The following DLL1 variants were observed in gnomAD, a reference collection of about 807,000 sequenced individuals.
DLL1 encodes delta-like protein 1.
Under a neutral mutation model 75.1 loss-of-function variants are expected in DLL1, and 9 were observed. That is an observed-to-expected ratio of 0.12 (90% CI 0.07 to 0.21). DLL1 has a LOEUF of 0.21. DLL1 is among the 10% of genes least tolerant of loss of function. The pLI is 1.00. For synonymous variants in DLL1, 477 were observed against 418.3 expected (o/e 1.14, Z -1.71); for missense variants, 837 against 1,007.6 (o/e 0.83, Z 2.29).
chr6:170,289,145 T>C, intron 2 of DLL1: 1 of 588,602 alleles, frequency 1.7e-6, no homozygotes, highest in Non-Finnish European at 3.0e-6. Context: ...GTGGTAGCGG[T>C]CGCGCTGCGC....
intron 4 of DLL1, among the ~76,000 whole-genome samples, chr6:170,287,467 G>C (rs1482964024): frequency 6.6e-6 from 1 of 152,226 alleles, no homozygotes; most frequent in Non-Finnish European, 1.5e-5. Context: ...GCTGGAGAGA[G>C]GGCTCCTGAG....
rs1783663509 is a variant in DLL1 at position 170,285,005 on chromosome 6, C to T, written c.1163G>A (p.Gly388Glu). ...GCCCACGGGGCAGCGGCAGCTGTAC[C>T]CTCCATCGGGGCTGTCTGAGCACCG... ...GGRCSDSPDGGYSCRCPVGYS... is the reference protein window; with the variant it reads ...GGRCSDSPDGEYSCRCPVGYS... Residue 388 changes from glycine (G) to glutamate (E), a missense_variant, in exon 8 of 11, where the codon GGG becomes GAG. Coordinates refer to ENST00000366756, the MANE Select transcript of DLL1 (RefSeq NM_005618.4). The T allele has an allele frequency of 6.2e-7, 1 of 1,614,132 alleles. No homozygotes were observed. Among genetic ancestry groups the T allele is most frequent in the Non-Finnish European group, 8.5e-7 (1 of 1,180,032 alleles).
In DLL1 at chr6:170,289,457, C is replaced by T. The variant is rs1007231417; in HGVS notation, c.351+55G>A. The T allele has an allele frequency of 5.3e-6, 8 of 1,523,050 alleles. No homozygotes were observed. The Admixed American group carries it at 1.6e-4, about 30-fold the overall frequency. 94.3% of individuals were successfully genotyped at this position (1,523,050 alleles called of 1,614,324 possible). A position where few individuals can be genotyped will look rare whatever the true frequency, so the allele number is the denominator to read the frequency against. On this transcript the variant is annotated intron_variant, in intron 2 of 10. Transcript: ENST00000366756. ...CGCCCAAGGCGGGATCCCAGCGCGT[C>T]CTGCAGCCCGCCCAGCTTCAGGGCC... is the stretch of plus-strand genomic sequence containing the variant.
chr6:170,288,189 G>A (rs762916243), intron 4 of DLL1, 50 bp downstream of exon 4: 11 of 1,613,000 alleles, frequency 6.8e-6, no homozygotes, highest in South Asian at 1.1e-5. Context: ...CCCTGCGCGC[G>A]GTCCGTGTTC....
Position 170,282,299 on chromosome 6 carries a change from A to G in DLL1, c.*575T>C, listed in dbSNP as rs1224522461. ...AAAACTCAAATAACATTTGCACAAT[A>G]TTCCATAAATACATTTATATACAAA... On this transcript the variant is annotated 3_prime_UTR_variant, in exon 11 of 11. Coordinates refer to ENST00000366756, the MANE Select transcript of DLL1 (RefSeq NM_005618.4). 6 of 154,198 alleles carry G rather than the reference A, an allele frequency of 3.9e-5. No homozygotes were observed. Among genetic ancestry groups the G allele is most frequent in the African/African-American group, 1.4e-4 (6 of 41,460 alleles). 9.6% of individuals were successfully genotyped at this position (154,198 alleles called of 1,614,324 possible).
chr6:170,289,914 G>A (rs1583158028), intron 1 of DLL1, 106 bp from the exon 2 acceptor site: 2 of 1,351,128 alleles, frequency 1.5e-6, no homozygotes, highest in Non-Finnish European at 1.9e-6. Flanking sequence ...CTCAGGGGCC[G>A]AGCGCGCTCG....
rs369504757 is a variant in DLL1 at position 170,283,938 on chromosome 6, G to A, written c.1341C>T (p.Cys447=). ...CCCCGTTGGCGCACGGGGAGGAGGCGCAGTCGTCCACGTTGTCGTCACAGT... is the reference window on the plus strand; with the variant it reads ...CCCCGTTGGCGCACGGGGAGGAGGCACAGTCGTCCACGTTGTCGTCACAGT... The part of the protein sequence containing the change: ...GRHCDDNVDD[C]ASSPCANGGT... The change falls in exon 9 of 11, where the codon TGC becomes TGT. Residue 447 remains cysteine (C), a synonymous_variant. Transcript: ENST00000366756. 97 of 1,594,962 alleles carry A rather than the reference G, an allele frequency of 6.1e-5. No individual in the cohort carries two copies. The Admixed American group carries it at 7.3e-4, about 12-fold the overall frequency.
At chr6:170,286,762 G>A (rs1377623856) in intron 4 of DLL1, among the ~76,000 whole-genome samples, 3 of 151,454 alleles carry the variant, frequency 2.0e-5, no homozygotes, top group East Asian at 2.0e-4. Context: ...GGCCTCCCCC[G>A]CGCCCCCGGC....
rs781730658 is a variant in DLL1 at position 170,290,049 on chromosome 6, C to A, written c.54+37G>T. The A allele has an allele frequency of 1.3e-6, 2 of 1,560,110 alleles. No individual in the cohort carries two copies. Among genetic ancestry groups the A allele is most frequent in the Non-Finnish European group, 1.7e-6 (2 of 1,162,658 alleles). On this transcript the variant is annotated intron_variant, in intron 1 of 10. Coordinates refer to ENST00000366756, the MANE Select transcript of DLL1 (RefSeq NM_005618.4). The surrounding 1 kb of genome is among the most constrained non-coding windows in gnomAD (Gnocchi z 4.7). ...CCCCGCGCCCCGGCTACCCGTGAGA[C>A]CCCGCGGGGCCGCGGCGCCCCCACC...
In DLL1 at chr6:170,283,219, C is replaced by T. The variant is rs754843439; in HGVS notation, c.2048+12G>A. On this transcript the variant is annotated intron_variant, in intron 9 of 10. Coordinates refer to ENST00000366756, the MANE Select transcript of DLL1 (RefSeq NM_005618.4). ...AGGTACCCCCTCCTGATGCCCGGCC[C>T]GCAGCACGCACCCCCTGAGTGTGGT... 32 of 1,612,674 alleles carry T rather than the reference C, an allele frequency of 2.0e-5. No homozygotes were observed. The highest frequency in any genetic ancestry group is 1.0e-4 in the Admixed American group (6 of 59,962).
intron 9 of DLL1, 38 bp downstream of exon 9, chr6:170,283,193 C>G: frequency 6.2e-7 from 1 of 1,613,354 alleles, no homozygotes; most frequent in Non-Finnish European, 8.5e-7. Flanking sequence ...AGACACCCCC[C>G]AGGTACCCCC....
At chr6:170,288,912 G>T in intron 2 of DLL1, 123 bp from the exon 3 acceptor site, 1 of 1,085,128 alleles carries the variant, frequency 9.2e-7, no homozygotes, top group Non-Finnish European at 1.4e-6. Flanking sequence ...GTCTGGGGCA[G>T]CGTGTCTGGA....
rs2738821 is a variant in DLL1 at position 170,289,264 on chromosome 6, C to T, written c.351+248G>A. 0.55 allele frequency: 381,378 copies of T among 694,536 alleles called. 111,574 individuals carry two copies. The highest frequency in any genetic ancestry group is 0.65 in the Middle Eastern group (2,675 of 4,120). 43.0% of individuals were successfully genotyped at this position (694,536 alleles called of 1,614,324 possible). A position where few individuals can be genotyped will look rare whatever the true frequency, so the allele number is the denominator to read the frequency against. On this transcript the variant is annotated intron_variant, in intron 2 of 10. Coordinates refer to ENST00000366756, the MANE Select transcript of DLL1 (RefSeq NM_005618.4). Reference sequence around the variant, plus strand: ...CACAGAGGCCGGATACGGAAATCTCCCGGGCGCGCTCGGCCTCTCCTCCTC... The same window carrying T: ...CACAGAGGCCGGATACGGAAATCTCTCGGGCGCGCTCGGCCTCTCCTCCTC...
chr6:170,284,775 GA>G, intron 8 of DLL1, 143 bp downstream of exon 8: 1 of 887,398 alleles, frequency 1.1e-6, no homozygotes, highest in East Asian at 2.6e-5. Flanking sequence ...CAGACTCAAA[GA>G]TAGAGTTTCC....
At chr6:170,288,614 C>T in intron 3 of DLL1, 115 bp downstream of exon 3, 1 of 1,609,478 alleles carries the variant, frequency 6.2e-7, no homozygotes, top group Non-Finnish European at 8.5e-7. Context: ...CCACCCTGAA[C>T]TTTCTGGGGC....
chr6:170,290,236 G>T lies in DLL1; in HGVS notation c.-97C>A. 10 of 1,431,690 alleles carry T rather than the reference G, an allele frequency of 7.0e-6. No homozygotes were observed. The highest frequency in any genetic ancestry group is 9.5e-6 in the Non-Finnish European group (10 of 1,054,542). 88.7% of individuals were successfully genotyped at this position (1,431,690 alleles called of 1,614,324 possible). A position where few individuals can be genotyped will look rare whatever the true frequency, so the allele number is the denominator to read the frequency against. Reference sequence around the variant, plus strand: ...GATCGATGGGCCACGGGGAGCGTGGGCAGAAAAGCGCCCTTGCCTCGCCCC... The same window carrying T: ...GATCGATGGGCCACGGGGAGCGTGGTCAGAAAAGCGCCCTTGCCTCGCCCC... On this transcript the variant is annotated 5_prime_UTR_variant, in exon 1 of 11. Coordinates refer to ENST00000366756, the MANE Select transcript of DLL1 (RefSeq NM_005618.4). The surrounding 1 kb of genome is among the most constrained non-coding windows in gnomAD (Gnocchi z 4.7).
intron 1 of DLL1, 90 bp from the exon 2 acceptor site, chr6:170,289,898 G>T: frequency 1.4e-6 from 2 of 1,421,506 alleles, no homozygotes; most frequent in Non-Finnish European, 1.9e-6. Flanking sequence ...GGAGAGCCTG[G>T]AAGGGCTCAG....
At chr6:170,286,143 G>A (rs915014182) in intron 5 of DLL1, 95 bp downstream of exon 5, 10 of 1,507,102 alleles carry the variant, frequency 6.6e-6, no homozygotes, top group East Asian at 4.5e-5. Context: ...GGAGTTTTTC[G>A]AATGATCACC....
At chr6:170,286,450 C>CT in intron 4 of DLL1, 152 bp from the exon 5 acceptor site, 1 of 946,932 alleles carries the variant, frequency 1.1e-6, no homozygotes, top group South Asian at 1.3e-5. Flanking sequence ...ACCCCCCTGC[C>CT]TAGTAGCCTG....
Sources: allele counts gnomAD v4.1 joint callset (sites outside exome capture counted in the v4.1 genomes callset), GRCh38; gene constraint gnomAD v4.1.1; non-coding constraint Gnocchi (gnomAD v3.1); transcripts MANE v1.5; gene names NCBI Gene and HGNC (gene_info 2026-07-23, HGNC 2026-07-21).